Variants in EXOC3L2 observed in about 807,000 individuals in gnomAD.
The protein encoded by EXOC3L2 is exocyst complex component 3-like protein 2.
In EXOC3L2, 17 loss-of-function variants were observed where a neutral mutation model predicts 44.4. The observed-to-expected ratio is 0.38, with a 90% CI of 0.26 to 0.57. The LOEUF is 0.57. EXOC3L2 is among the 20% of genes least tolerant of loss of function. The pLI is 0.65. For missense variants in EXOC3L2, 541 were observed against 588.4 expected (o/e 0.92, Z 0.83); for synonymous variants, 256 against 253.7 (o/e 1.01, Z -0.09).
At chr19:45,215,404 A>C (rs1185680950) in intron 11 of EXOC3L2, among the ~76,000 whole-genome samples, 1 of 152,066 alleles carries the variant, frequency 6.6e-6, no homozygotes, top group Non-Finnish European at 1.5e-5. Flanking sequence ...CCAGGAGGTC[A>C]AGGCTGCAGT....
At chr19:45,236,879 C>A (rs908029972) in intron 2 of EXOC3L2, among the ~76,000 whole-genome samples, 3 of 151,806 alleles carry the variant, frequency 2.0e-5, no homozygotes, top group African/African-American at 7.3e-5. Flanking sequence ...GTGATGCATG[C>A]CTGTAATCCC....
intron 1 of EXOC3L2, among the ~76,000 whole-genome samples, chr19:45,241,877 G>A (rs1004066596): frequency 4.6e-5 from 7 of 152,214 alleles, no homozygotes; most frequent in African/African-American, 1.7e-4. Flanking sequence ...TTACTGGACT[G>A]CAAACCTCAG....
At chr19:45,228,503 G>C (rs932335800) in intron 4 of EXOC3L2, among the ~76,000 whole-genome samples, 4 of 152,068 alleles carry the variant, frequency 2.6e-5, no homozygotes, top group African/African-American at 9.7e-5. Context: ...TTGGCCAAGC[G>C]CGATGGCTCA....
intron 1 of EXOC3L2, among the ~76,000 whole-genome samples, chr19:45,244,578 A>G (rs1484789304): frequency 1.3e-5 from 2 of 151,704 alleles, no homozygotes; most frequent in African/African-American, 2.4e-5. Context: ...CTCACTTCCG[A>G]GGCATCCCTC....
At position 45,228,661 on chromosome 19, in the gene EXOC3L2, A is replaced by T. The variant is rs553056903; in HGVS notation, c.1270-395T>A. Among the ~76,000 whole-genome samples the T allele has an allele frequency of 1.2e-4, 18 of 152,102 alleles. No individual in the cohort carries two copies. The East Asian group carries it at 3.3e-3, about 28-fold the overall frequency. ...GTGGTGCGTGTCTGTAATCCCAGCT[A>T]CTCAGGAGGCAGAGGCAGGAGAATT... is the stretch of plus-strand genomic sequence containing the variant. On this transcript the variant is annotated intron_variant, in intron 4 of 11. Coordinates refer to ENST00000413988, the MANE Select transcript of EXOC3L2 (RefSeq NM_001382422.1).
chr19:45,222,609 G>C (rs995387186), intron 8 of EXOC3L2, among the ~76,000 whole-genome samples: 3 of 151,698 alleles, frequency 2.0e-5, no homozygotes, highest in Admixed American at 1.3e-4. Context: ...TGTTTCTTTT[G>C]CTTCTGCTCT....
chr19:45,214,340 G>T (rs1047413123), intron 11 of EXOC3L2, among the ~76,000 whole-genome samples: 7 of 152,142 alleles, frequency 4.6e-5, no homozygotes, highest in Non-Finnish European at 8.8e-5. Flanking sequence ...GAATGTGTCT[G>T]CCCAAATAGC....
In EXOC3L2 at chr19:45,217,531, C is replaced by G. The variant is rs1465371877; in HGVS notation, c.1995G>C (p.Arg665=). 2 of 1,576,980 alleles carry G rather than the reference C, an allele frequency of 1.3e-6. No individual in the cohort carries two copies. The highest frequency in any genetic ancestry group is 1.8e-5 in the Admixed American group (1 of 56,962). ...CCAACCGCGTCCCGACACTGACCAG[C>G]CGCCGGAACAGCCTCTGCAGTTGCG... ...DAAQLQRLFR[R]LESQASWLDA... Residue 665 remains arginine (R), a synonymous_variant, in exon 10 of 12, where the codon CGG becomes CGC. Coordinates refer to ENST00000413988, the MANE Select transcript of EXOC3L2 (RefSeq NM_001382422.1).
At chr19:45,215,867 T>C (rs1969827467) in intron 11 of EXOC3L2, among the ~76,000 whole-genome samples, 1 of 152,142 alleles carries the variant, frequency 6.6e-6, no homozygotes, top group Non-Finnish European at 1.5e-5. Flanking sequence ...TTGTGAGCCC[T>C]GGTGGCGGTG....
chr19:45,229,856 T>TATATGTACATCAATGTACAC (rs201990272), intron 4 of EXOC3L2, among the ~76,000 whole-genome samples: 1 of 147,688 alleles, frequency 6.8e-6, no homozygotes, highest in African/African-American at 2.5e-5. Context: ...AAAATATATA[T>TATATGTACATCAATGTACAC]ATGTGTACAT....
intron 3 of EXOC3L2, among the ~76,000 whole-genome samples, chr19:45,232,878 C>A (rs1970045618): frequency 6.6e-6 from 1 of 151,966 alleles, no homozygotes; most frequent in Non-Finnish European, 1.5e-5. Flanking sequence ...AGGAGTTCGA[C>A]ACCAGCCTGG....
chr19:45,241,477 C>CAAAA (rs554632176), intron 1 of EXOC3L2, among the ~76,000 whole-genome samples: 1 of 94,820 alleles, frequency 1.1e-5, no homozygotes, highest in African/African-American at 4.3e-5. Flanking sequence ...GACTCCATCT[C>CAAAA]AAAAAAAAAA....
At position 45,234,454 on chromosome 19, in the gene EXOC3L2, TC is replaced by T; in HGVS notation, c.895del (p.Glu299SerfsTer3). On this transcript the variant is annotated frameshift_variant, in exon 3 of 12. Coordinates refer to ENST00000413988, the MANE Select transcript of EXOC3L2 (RefSeq NM_001382422.1). LOFTEE classifies it high-confidence loss of function. This position sits in a 1 kb window ranked among gnomAD's most constrained non-coding sequence, Gnocchi z 5.0. ...WAEAVARAAR[E>X]RLEAAAPGAP... ...CCCGGGAGCCGCTGCCTCTAGGCGC[TC>T]CCGGGCCGCGCGCGCCACGGCTTCG... The T allele has an allele frequency of 3.8e-6, 1 of 262,152 alleles. No individual in the cohort carries two copies. Among genetic ancestry groups the T allele is most frequent in the Non-Finnish European group, 7.2e-6 (1 of 138,128 alleles). 16.2% of individuals were successfully genotyped at this position (262,152 alleles called of 1,614,324 possible). A position where few individuals can be genotyped will look rare whatever the true frequency, so the allele number is the denominator to read the frequency against.
chr19:45,221,013 G>A (rs374078665), intron 8 of EXOC3L2, among the ~76,000 whole-genome samples: 3 of 149,260 alleles, frequency 2.0e-5, no homozygotes, highest in Admixed American at 6.7e-5. Context: ...TGGGCAGGCC[G>A]TGGGTCTCTC....
In EXOC3L2 at chr19:45,234,036, T is replaced by C. The variant is rs1022790837; in HGVS notation, c.1157+157A>G. The stretch of plus-strand genomic sequence containing the variant: ...CGGTAGCAGTGAGAGTCTAGGATTG[T>C]AACTGTCAGCGGTGCTGACGACTGG... On this transcript the variant is annotated intron_variant, in intron 3 of 11. Coordinates refer to ENST00000413988, the MANE Select transcript of EXOC3L2 (RefSeq NM_001382422.1). This position sits in a 1 kb window ranked among gnomAD's most constrained non-coding sequence, Gnocchi z 5.0. Among the ~76,000 whole-genome samples, 1 of 152,214 alleles carries C rather than the reference T, an allele frequency of 6.6e-6. No homozygotes were observed. Among genetic ancestry groups the C allele is most frequent in the Admixed American group, 6.5e-5 (1 of 15,276 alleles).
intron 4 of EXOC3L2, among the ~76,000 whole-genome samples, chr19:45,228,742 C>T (rs1036820408): frequency 6.0e-5 from 9 of 149,472 alleles, no homozygotes; most frequent in African/African-American, 1.2e-4. Flanking sequence ...ATTGCACTCC[C>T]GCCTGGGCAA....
At chr19:45,222,615 GCT>G (rs897185468) in intron 8 of EXOC3L2, among the ~76,000 whole-genome samples, 9 of 151,906 alleles carry the variant, frequency 5.9e-5, no homozygotes, top group Admixed American at 5.9e-4. Flanking sequence ...TTTTGCTTCT[GCT>G]CTCTCTGTCT....
intron 6 of EXOC3L2, 53 bp from the exon 7 acceptor site, chr19:45,227,825 G>A: frequency 6.4e-7 from 1 of 1,562,342 alleles, no homozygotes; most frequent in African/African-American, 1.3e-5. Context: ...GGTCCCTCGT[G>A]GGCACCCAGC....
Position 45,234,864 on chromosome 19 carries a change from G to A in EXOC3L2, c.524-38C>T. ...AGCGGGAGGTCAGCAGTGCGCGGGG[G>A]GGAGGAGGGCGATGCCGGACGCGGG... On this transcript the variant is annotated intron_variant, in intron 2 of 11. Transcript: ENST00000413988. The surrounding 1 kb of genome is among the most constrained non-coding windows in gnomAD (Gnocchi z 5.0). 1 of 389,750 alleles carries A rather than the reference G, an allele frequency of 2.6e-6. No individual in the cohort carries two copies. Among genetic ancestry groups the A allele is most frequent in the Non-Finnish European group, 4.5e-6 (1 of 220,174 alleles). 24.1% of individuals were successfully genotyped at this position (389,750 alleles called of 1,614,324 possible).
Sources: allele counts gnomAD v4.1 joint callset (sites outside exome capture counted in the v4.1 genomes callset), GRCh38; gene constraint gnomAD v4.1.1; non-coding constraint Gnocchi (gnomAD v3.1); transcripts MANE v1.5; gene names NCBI Gene and HGNC (gene_info 2026-07-23, HGNC 2026-07-21).